Variants in ACER1 observed in about 807,000 individuals in gnomAD.
ACER1 encodes alkaline ceramidase 1, also known as CTB-180A7.3.
ACER1 carries 28 observed loss-of-function variants against 24.9 expected under a neutral mutation model. The ratio of observed to expected loss-of-function variants is 1.13; its 90% CI spans 0.83 to 1.54. ACER1 has a LOEUF of 1.54. Ranked by LOEUF, ACER1 falls within the 40% of genes most tolerant of loss-of-function variation. ACER1 has a pLI of 0.00. For synonymous variants in ACER1, 132 were observed against 131.4 expected (o/e 1.00, Z -0.03); for missense variants, 352 against 349.3 (o/e 1.01, Z -0.06).
chr19:6,350,599 G>C, the ACER1 span, among the ~76,000 whole-genome samples: 1 of 136,104 alleles, frequency 7.3e-6, no homozygotes, highest in Non-Finnish European at 1.6e-5. Flanking sequence ...GAAAAGAAAG[G>C]AAGGAAGGAG....
At chr19:6,343,546 C>A in the ACER1 span, among the ~76,000 whole-genome samples, 2 of 152,102 alleles carry the variant, frequency 1.3e-5, no homozygotes. Flanking sequence ...GCTCTAAATC[C>A]CAAAATGTGC....
intron 5 of ACER1, 116 bp downstream of exon 5, chr19:6,307,037 T>G: frequency 6.6e-7 from 1 of 1,516,076 alleles, no homozygotes; most frequent in Non-Finnish European, 8.9e-7. Flanking sequence ...CAGGTCCCAG[T>G]GTCTGGCTCT....
chr19:6,318,997 G>A (rs2091617300), intron 1 of ACER1, among the ~76,000 whole-genome samples: 1 of 151,694 alleles, frequency 6.6e-6, no homozygotes. Context: ...ATCATCAATG[G>A]TACCTTGCAG....
chr19:6,353,695 C>A, the ACER1 span, among the ~76,000 whole-genome samples: 1 of 151,456 alleles, frequency 6.6e-6, no homozygotes, highest in African/African-American at 2.4e-5. Flanking sequence ...CGTGGTGGCA[C>A]GTGCATGTAA....
At chr19:6,352,414 A>G in the ACER1 span, among the ~76,000 whole-genome samples, 1 of 152,208 alleles carries the variant, frequency 6.6e-6, no homozygotes, top group Non-Finnish European at 1.5e-5. Flanking sequence ...AGCCATGTGG[A>G]GAGAGAGATG....
chr19:6,307,081 T>G, intron 5 of ACER1, 72 bp downstream of exon 5: 1 of 1,590,426 alleles, frequency 6.3e-7, no homozygotes, highest in Non-Finnish European at 8.6e-7. Context: ...AGCCCCCAGG[T>G]GCCTACTCCG....
chr19:6,312,601 T>C (rs948316647), intron 1 of ACER1, 102 bp from the exon 2 acceptor site: 11 of 865,178 alleles, frequency 1.3e-5, no homozygotes, highest in Non-Finnish European at 2.1e-5. Flanking sequence ...GGTTACCTGC[T>C]GCATTTCAGG....
chr19:6,334,250 T>C (rs1464072296), upstream of ACER1, among the ~76,000 whole-genome samples: 1 of 152,120 alleles, frequency 6.6e-6, no homozygotes, highest in Non-Finnish European at 1.5e-5. Context: ...TTCACTGTGT[T>C]AGCCAGGATG....
chr19:6,351,182 T>C, the ACER1 span, among the ~76,000 whole-genome samples: 1 of 149,446 alleles, frequency 6.7e-6, no homozygotes, highest in African/African-American at 2.5e-5. Flanking sequence ...CTGGCCAACA[T>C]GATGAAGCCC....
chr19:6,312,371 C>A lies in ACER1; in HGVS notation c.208+14G>T, dbSNP rs1414654069. ...GCCTCCCGACTGTCACAGACCTGAA[C>A]CACACCTCCCTACCTATGATCATGA... On this transcript the variant is annotated intron_variant, in intron 2 of 5. Transcript: ENST00000301452. 2.5e-6 allele frequency: 4 copies of A among 1,613,866 alleles called. No homozygotes were observed. The East Asian group carries it at 8.9e-5, about 36-fold the overall frequency.
intron 1 of ACER1, among the ~76,000 whole-genome samples, chr19:6,324,861 A>AAGGAAGGGAGGG (rs1555716052): frequency 0.11 from 1,165 of 10,310 alleles, 28 homozygotes; most frequent in African/African-American, 0.17. Context: ...GAGAGAGAGA[A>AAGGAAGGGAGGG]AGGAAGGAAG....
rs1247262423 is a variant in ACER1 at position 6,312,270 on chromosome 19, G to A, written c.229C>T (p.His77Tyr). 1 of 1,614,086 alleles carries A rather than the reference G, an allele frequency of 6.2e-7. No individual in the cohort carries two copies. The highest frequency in any genetic ancestry group is 1.1e-5 in the South Asian group (1 of 91,078). The change falls in exon 3 of 6, where the codon CAC becomes TAC. Residue 77 changes from histidine (H) to tyrosine (Y), a missense_variant. Physicochemically the swap from His to Tyr is moderately conservative, Grantham distance 83 (BLOSUM62 2). Transcript: ENST00000301452. ...MIIGLFSMYFHMTLSFLGQLL... is the reference protein window; with the variant it reads ...MIIGLFSMYFYMTLSFLGQLL... Reference sequence around the variant, plus strand: ...TGGCCCAGGAAGCTGAGCGTCATGTGGAAATACATGGAGAACAGGCCTGCA... The same window carrying A: ...TGGCCCAGGAAGCTGAGCGTCATGTAGAAATACATGGAGAACAGGCCTGCA...
chr19:6,322,287 T>C (rs1461206898), intron 1 of ACER1, among the ~76,000 whole-genome samples: 1 of 152,180 alleles, frequency 6.6e-6, no homozygotes, highest in Admixed American at 6.5e-5. Flanking sequence ...GTCACCCAGG[T>C]GCGTGGGGCT....
At chr19:6,312,968 G>A (rs915306379) in intron 1 of ACER1, among the ~76,000 whole-genome samples, 6 of 151,910 alleles carry the variant, frequency 3.9e-5, no homozygotes, top group Non-Finnish European at 7.4e-5. Context: ...GTGAGCCACC[G>A]CACCTAGCCA....
At chr19:6,314,936 G>A (rs780090539) in intron 1 of ACER1, among the ~76,000 whole-genome samples, 4 of 151,840 alleles carry the variant, frequency 2.6e-5, no homozygotes, top group Non-Finnish European at 5.9e-5. Context: ...CTGTCGCCCA[G>A]GCTGGAGTGC....
At chr19:6,324,853 G>C (rs1456048638) in intron 1 of ACER1, among the ~76,000 whole-genome samples, 1 of 116,058 alleles carries the variant, frequency 8.6e-6, no homozygotes, top group Non-Finnish European at 1.9e-5. Context: ...AGGAAAGAGA[G>C]AGAGAGAAAG....
intron 1 of ACER1, among the ~76,000 whole-genome samples, chr19:6,326,075 C>G (rs1175406567): frequency 2.6e-5 from 4 of 151,302 alleles, no homozygotes; most frequent in African/African-American, 9.7e-5. Context: ...CTGCCTCAGC[C>G]TCCGGAGTAG....
the ACER1 span, among the ~76,000 whole-genome samples, chr19:6,338,867 A>T: frequency 6.7e-6 from 1 of 149,392 alleles, no homozygotes; most frequent in Non-Finnish European, 1.5e-5. Context: ...GAGCCACCGC[A>T]CCTGGCCTTA....
Position 6,333,582 on chromosome 19 carries a change from C to A in ACER1, c.-31G>T. ...CTCAGTGGCCACCACCAGCCGGCTG[C>A]GCCCGGCAGAGAGAAGGCGAGCTTG... On this transcript the variant is annotated 5_prime_UTR_variant, in exon 1 of 6. Transcript: ENST00000301452. 2 of 1,543,078 alleles carry A rather than the reference C, an allele frequency of 1.3e-6. No individual in the cohort carries two copies. Among genetic ancestry groups the A allele is most frequent in the African/African-American group, 2.7e-5 (2 of 73,316 alleles).
Sources: allele counts gnomAD v4.1 joint callset (sites outside exome capture counted in the v4.1 genomes callset), GRCh38; gene constraint gnomAD v4.1.1; transcripts MANE v1.5; gene names NCBI Gene and HGNC (gene_info 2026-07-23, HGNC 2026-07-21).